TOM1L2: variants seen among roughly 807,000 people sequenced by gnomAD.
TOM1L2 encodes target of myb1 like 2 membrane trafficking protein, also known as TOM1-like protein 2.
TOM1L2 carries 31 observed loss-of-function variants against 67.9 expected under a neutral mutation model. The ratio of observed to expected loss-of-function variants is 0.46; its 90% CI spans 0.34 to 0.62. The LOEUF (loss-of-function observed/expected upper bound fraction) is 0.62, where lower values mean the gene tolerates loss of function less well. TOM1L2 is among the 20% of genes least tolerant of loss of function. TOM1L2 has a pLI of 0.01. For synonymous variants in TOM1L2, 256 were observed against 254.0 expected (o/e 1.01, Z -0.07); for missense variants, 606 against 663.5 (o/e 0.91, Z 0.95).
chr17:17,924,292 G>A (rs1165170207), intron 1 of TOM1L2, among the ~76,000 whole-genome samples: 2 of 152,056 alleles, frequency 1.3e-5, no homozygotes, highest in Admixed American at 6.6e-5. Flanking sequence ...TTGCTAATGG[G>A]TACGGAATGA....
At position 17,847,786 on chromosome 17, in the gene TOM1L2, G is replaced by C; in HGVS notation, c.1376-3C>G. ...TTCTTCAAGGAATTTATCAAACTCT[G>C]CAATACAAACCAAGGCAAGGGTCAG... On this transcript the variant is annotated splice_region_variant and splice_polypyrimidine_tract_variant and intron_variant, in intron 14 of 14. Transcript: ENST00000379504. The C allele has an allele frequency of 6.2e-7, 1 of 1,613,962 alleles. No homozygotes were observed. Among genetic ancestry groups the C allele is most frequent in the Non-Finnish European group, 8.5e-7 (1 of 1,179,970 alleles).
intron 1 of TOM1L2, among the ~76,000 whole-genome samples, chr17:17,938,567 A>G (rs922648565): frequency 6.6e-6 from 1 of 152,162 alleles, no homozygotes; most frequent in Admixed American, 6.5e-5. Context: ...GAAAAAGCCA[A>G]TGAGACTCAA....
rs1225740489 is a variant in TOM1L2, at chr17:17,869,380, C to T, written c.871G>A (p.Val291Met). 7 of 1,612,726 alleles carry T rather than the reference C, an allele frequency of 4.3e-6. No individual in the cohort carries two copies. The highest frequency in any genetic ancestry group is 5.9e-6 in the Non-Finnish European group (7 of 1,179,696). The change falls in exon 8 of 15, where the codon GTG becomes ATG. Residue 291 changes from valine (V) to methionine (M), a missense_variant. Physicochemically the swap from Val to Met is conservative, Grantham distance 21 (BLOSUM62 1). Coordinates refer to ENST00000379504, the MANE Select transcript of TOM1L2 (RefSeq NM_001082968.2). ...AAGACGTTGTTGAGGTCATCGTTCA[C>T]ATGCAGCAGCTCCTCGGTGACCTCC... ...NEEVTEELLH[V>M]NDDLNNVFLR... is the part of the protein sequence containing the mutation.
At chr17:17,854,020 A>C (rs1372913306) in intron 12 of TOM1L2, among the ~76,000 whole-genome samples, 1 of 152,246 alleles carries the variant, frequency 6.6e-6, no homozygotes, top group Non-Finnish European at 1.5e-5. Context: ...ACAATATAGA[A>C]GCCACTTGGC....
rs1284035008 is a variant in TOM1L2, at chr17:17,943,530, A to G, written c.52+28732T>C. 2.0e-5 allele frequency among the ~76,000 whole-genome samples: 3 copies of G among 152,310 alleles called. No homozygotes were observed. The East Asian group carries it at 5.8e-4, about 29-fold the overall frequency. ...GTAGGAATGTGAAGGCAAAGGAGAG[A>G]AGGAGCAGCCAGTGCAAATGCATGG... On this transcript the variant is annotated intron_variant, in intron 1 of 14. Transcript: ENST00000379504.
chr17:17,922,624 G>A (rs1232481902), intron 1 of TOM1L2, among the ~76,000 whole-genome samples: 2 of 152,272 alleles, frequency 1.3e-5, no homozygotes, highest in Non-Finnish European at 2.9e-5. Context: ...CATTTCTCAC[G>A]CTCTCTGAAT....
At chr17:17,900,376 G>C (rs1429768338) in intron 2 of TOM1L2, among the ~76,000 whole-genome samples, 2 of 151,936 alleles carry the variant, frequency 1.3e-5, no homozygotes, top group African/African-American at 4.8e-5. Flanking sequence ...AAAAAAATTA[G>C]CTGGGCATGG....
intron 8 of TOM1L2, 124 bp downstream of exon 8, chr17:17,869,216 G>A (rs781125700): frequency 2.0e-6 from 3 of 1,518,086 alleles, no homozygotes; most frequent in East Asian, 2.4e-5. Context: ...CATCTCTGAT[G>A]AGTATTTTCC....
chr17:17,957,034 A>G (rs1011056856), intron 1 of TOM1L2, among the ~76,000 whole-genome samples: 9 of 152,260 alleles, frequency 5.9e-5, no homozygotes, highest in African/African-American at 1.9e-4. Context: ...TCAAGAGTAC[A>G]GTGGCACAAT....
intron 12 of TOM1L2, among the ~76,000 whole-genome samples, chr17:17,855,036 C>T (rs1211596748): frequency 6.6e-6 from 1 of 152,198 alleles, no homozygotes; most frequent in African/African-American, 2.4e-5. Flanking sequence ...GATAGGTAGG[C>T]CAGGCTGGCT....
chr17:17,937,915 C>T (rs1317179321), intron 1 of TOM1L2, among the ~76,000 whole-genome samples: 2 of 152,166 alleles, frequency 1.3e-5, no homozygotes, highest in Non-Finnish European at 2.9e-5. Context: ...CTCACCAGTC[C>T]ACCTGCATCT....
intron 1 of TOM1L2, among the ~76,000 whole-genome samples, chr17:17,962,182 A>G (rs1295444051): frequency 6.6e-6 from 1 of 152,144 alleles, no homozygotes; most frequent in East Asian, 1.9e-4. Flanking sequence ...CACTTATATG[A>G]GGTTCCTAGA....
At chr17:17,956,237 T>C (rs2041440624) in intron 1 of TOM1L2, among the ~76,000 whole-genome samples, 1 of 152,214 alleles carries the variant, frequency 6.6e-6, no homozygotes, top group Non-Finnish European at 1.5e-5. Context: ...AGGGTGCTGA[T>C]TGGTGCGTTT....
intron 1 of TOM1L2, among the ~76,000 whole-genome samples, chr17:17,925,853 TCAA>T (rs2040060889): frequency 7.9e-6 from 1 of 126,128 alleles, no homozygotes. Flanking sequence ...AGACCCTGTC[TCAA>T]AAAAAAAAAA....
intron 1 of TOM1L2, among the ~76,000 whole-genome samples, chr17:17,912,205 G>T (rs1247796849): frequency 6.7e-6 from 1 of 149,690 alleles, no homozygotes; most frequent in Non-Finnish European, 1.5e-5. Context: ...CGGGCAGAGG[G>T]GCTCCTCACT....
intron 14 of TOM1L2, 33 bp from the exon 15 acceptor site, chr17:17,847,816 G>A: frequency 6.2e-7 from 1 of 1,613,258 alleles, no homozygotes; most frequent in African/African-American, 1.3e-5. Flanking sequence ...GGTCAGGGTT[G>A]GTGAGGGCAG....
chr17:17,912,888 G>C (rs1451550954), intron 1 of TOM1L2, among the ~76,000 whole-genome samples: 4 of 152,172 alleles, frequency 2.6e-5, no homozygotes, highest in African/African-American at 9.7e-5. Context: ...CACTCCAGCC[G>C]GGGCACCACT....
In TOM1L2 at chr17:17,881,961, GT is replaced by G. The variant is rs11308511; in HGVS notation, c.660+743del. On this transcript the variant is annotated intron_variant, in intron 6 of 14. Coordinates refer to ENST00000379504, the MANE Select transcript of TOM1L2 (RefSeq NM_001082968.2). ...ATTTGGTAAATATAAACATTGGAGAGTTTTTTTTTCCCCCAAGTCTGACCAA... is the reference window on the plus strand; with the variant it reads ...ATTTGGTAAATATAAACATTGGAGAGTTTTTTTTCCCCCAAGTCTGACCAA... Among the ~76,000 whole-genome samples the G allele has an allele frequency of 7.6e-3, 1,158 of 151,910 alleles. 14 individuals carry two copies. The highest frequency in any genetic ancestry group is 0.027 in the African/African-American group (1,107 of 41,416).
At chr17:17,924,323 T>C (rs981057269) in intron 1 of TOM1L2, among the ~76,000 whole-genome samples, 1 of 152,142 alleles carries the variant, frequency 6.6e-6, no homozygotes, top group Non-Finnish European at 1.5e-5. Context: ...CTAAAACTGA[T>C]TGTGGTAATG....
Sources: gnomAD v4.1 joint callset for allele counts (sites outside exome capture counted in the v4.1 genomes callset) on GRCh38, gnomAD v4.1.1 for gene constraint, MANE v1.5 for transcripts, NCBI Gene and HGNC (gene_info 2026-07-23, HGNC 2026-07-21) for gene names.